Variants in ARHGEF40 observed in about 807,000 individuals in gnomAD.
ARHGEF40 encodes Rho guanine nucleotide exchange factor (GEF) 40.
In ARHGEF40, 98 loss-of-function variants were observed where a neutral mutation model predicts 165.9. The ratio of observed to expected loss-of-function variants is 0.59; its 90% CI spans 0.50 to 0.70. ARHGEF40 has a LOEUF of 0.70. ARHGEF40 is among the 30% of genes least tolerant of loss of function. ARHGEF40 has a pLI of 0.00. For synonymous variants in ARHGEF40, 792 were observed against 814.3 expected (o/e 0.97, Z 0.47); for missense variants, 1,815 against 1,968.0 (o/e 0.92, Z 1.47).
At chr14:21,067,236 G>A (rs932116373), upstream of ARHGEF40, among the ~76,000 whole-genome samples, 5 of 152,008 alleles carry the variant, frequency 3.3e-5, no homozygotes, top group South Asian at 2.1e-4. Flanking sequence ...AAATGTCTTC[G>A]GAATTATTTT....
In ARHGEF40 at chr14:21,087,463, G is replaced by A. The variant is rs1387785343; in HGVS notation, c.4387G>A (p.Ala1463Thr). The A allele has an allele frequency of 6.2e-7, 1 of 1,600,530 alleles. No individual in the cohort carries two copies. The highest frequency in any genetic ancestry group is 8.5e-7 in the Non-Finnish European group (1 of 1,179,874). The change falls in exon 21 of 24, where the codon GCC (alanine) becomes ACC (threonine). Residue 1463 changes from alanine to threonine, a missense_variant and splice_region_variant. Physicochemically the swap from Ala to Thr is moderately conservative, Grantham distance 58. Coordinates refer to ENST00000298694, the MANE Select transcript of ARHGEF40 (RefSeq NM_018071.5). ...TCTGGACGTCAAGCAAATTTCCCTGGGTGAGGCACCTCTCAAGGGGTGGCT... is the reference window on the plus strand; with the variant it reads ...TCTGGACGTCAAGCAAATTTCCCTGAGTGAGGCACCTCTCAAGGGGTGGCT... ...WDLDVKQISL[A>T]PETLDSSGDV...
the ARHGEF40 span, among the ~76,000 whole-genome samples, chr14:21,063,246 A>G: frequency 1.3e-5 from 2 of 152,146 alleles, no homozygotes; most frequent in African/African-American, 4.8e-5. Flanking sequence ...GTGTGTGTGT[A>G]TATAAACACA....
In ARHGEF40 at chr14:21,083,972, G is replaced by A. The variant is rs1035270890; in HGVS notation, c.3711G>A (p.Gly1237=). ...PELSSECRAL[G]AAVQLLREQE... is the part of the protein sequence containing the mutation. ...TCAGTTCTGAGTGCCGGGCCCTTGG[G>A]GCTGCTGTACAGCTGCTCCGGGAAC... Residue 1237 remains glycine, a synonymous_variant, in exon 17 of 24, where the codon GGG becomes GGA. Coordinates refer to ENST00000298694, the MANE Select transcript of ARHGEF40 (RefSeq NM_018071.5). 28 of 1,613,584 alleles carry A rather than the reference G, an allele frequency of 1.7e-5. No individual in the cohort carries two copies. Among genetic ancestry groups the A allele is most frequent in the Non-Finnish European group, 2.3e-5 (27 of 1,179,964 alleles).
intron 11 of ARHGEF40, among the ~76,000 whole-genome samples, chr14:21,080,191 T>A (rs908719633): frequency 2.2e-5 from 3 of 136,206 alleles, no homozygotes; most frequent in Non-Finnish European, 4.6e-5. Context: ...ATTAGGAAAT[T>A]AAAGCCGGAC....
chr14:21,084,115 G>A, intron 17 of ARHGEF40, 65 bp downstream of exon 17: 1 of 1,484,544 alleles, frequency 6.7e-7, no homozygotes, highest in South Asian at 1.3e-5. Context: ...AGCCGTGTAG[G>A]TTGGTGACAG....
intron 12 of ARHGEF40, 22 bp downstream of exon 12, chr14:21,080,804 G>T: frequency 6.2e-7 from 1 of 1,603,352 alleles, no homozygotes; most frequent in Non-Finnish European, 8.5e-7. Context: ...CTGGAGGGCA[G>T]GTGAGAGGAG....
chr14:21,087,152 G>A (rs1230111040), intron 20 of ARHGEF40, 47 bp downstream of exon 20: 3 of 1,600,510 alleles, frequency 1.9e-6, no homozygotes, highest in African/African-American at 2.7e-5. Flanking sequence ...TGAAGACCTT[G>A]ACAATGAGGA....
chr14:21,087,382 G>A lies in ARHGEF40; in HGVS notation c.4306G>A (p.Gly1436Ser), dbSNP rs780647585. 1.5e-5 allele frequency: 24 copies of A among 1,603,882 alleles called. No homozygotes were observed. Among genetic ancestry groups the A allele is most frequent in the Middle Eastern group, 1.6e-4 (1 of 6,062 alleles). ...TGAGCATGCCGGCCCCTCCCTTCCC[G>A]GCCTTTCGCCGGGAGCCTGCTCCCT... ...SFEHAGPSLP[G>S]LSPGACSLPA... The change falls in exon 21 of 24, where the codon GGC (glycine) becomes AGC (serine). Residue 1436 changes from glycine (G) to serine (S), a missense_variant. By Grantham distance (56) the Gly-to-Ser change is moderately conservative. Coordinates refer to ENST00000298694, the MANE Select transcript of ARHGEF40 (RefSeq NM_018071.5).
chr14:21,068,248 C>T (rs1340285247), upstream of ARHGEF40, among the ~76,000 whole-genome samples: 2 of 127,030 alleles, frequency 1.6e-5, 1 homozygote, highest in Non-Finnish European at 3.5e-5. Context: ...ATCCGCCCGC[C>T]TCGGCCTCCC....
rs1286664278 is a variant in ARHGEF40 at position 21,072,366 on chromosome 14, G to A, written c.4-679G>A. Among the ~76,000 whole-genome samples, 1 of 152,026 alleles carries A rather than the reference G, an allele frequency of 6.6e-6. No individual in the cohort carries two copies. Among genetic ancestry groups the A allele is most frequent in the Non-Finnish European group, 1.5e-5 (1 of 67,986 alleles). ...TTTTCTCTTTCAACTGCCCCCACCC[G>A]ATTCTTTGTAATCCAATCCCACATG... On this transcript the variant is annotated intron_variant, in intron 1 of 23. Transcript: ENST00000298694. The surrounding 1 kb of genome is among the most constrained non-coding windows in gnomAD (Gnocchi z 4.1).
chr14:21,080,968 T>C lies in ARHGEF40; in HGVS notation c.2592T>C (p.Val864=). ...LDIFEQRLEQ[V]ESGLHRALRL... ...TCTTTGAACAGCGGCTGGAGCAGGTTGAGAGTGGCCTCCATCGGGCCCTGC... is the reference window on the plus strand; with the variant it reads ...TCTTTGAACAGCGGCTGGAGCAGGTCGAGAGTGGCCTCCATCGGGCCCTGC... Residue 864 remains valine (V), a synonymous_variant, in exon 13 of 24, where the codon GTT becomes GTC. Transcript: ENST00000298694. The C allele has an allele frequency of 6.2e-7, 1 of 1,614,190 alleles. No homozygotes were observed.
intron 11 of ARHGEF40, among the ~76,000 whole-genome samples, chr14:21,079,986 G>A (rs1394430783): frequency 6.6e-6 from 1 of 152,082 alleles, no homozygotes; most frequent in African/African-American, 2.4e-5. Context: ...TCACAACGTG[G>A]TCAGAAAGAT....
chr14:21,067,624 G>A (rs894992840), upstream of ARHGEF40, among the ~76,000 whole-genome samples: 2 of 152,150 alleles, frequency 1.3e-5, no homozygotes, highest in Non-Finnish European at 2.9e-5. Context: ...GTGAAATATG[G>A]TAAGAACTGT....
intron 19 of ARHGEF40, 167 bp downstream of exon 19, chr14:21,086,033 C>G: frequency 1.2e-6 from 1 of 832,244 alleles, no homozygotes; most frequent in Admixed American, 3.1e-5. Context: ...AGAAATGAGC[C>G]TAAGATATAC....
rs1175834092 is a variant in ARHGEF40 at position 21,087,355 on chromosome 14, T to C, written c.4279T>C (p.Phe1427Leu). The C allele has an allele frequency of 2.5e-6, 4 of 1,606,294 alleles. No individual in the cohort carries two copies. The Admixed American group carries it at 6.7e-5, about 27-fold the overall frequency. Residue 1427 changes from phenylalanine to leucine, a missense_variant, in exon 21 of 24, where the codon TTT becomes CTT. Transcript: ENST00000298694. Reference sequence around the variant, plus strand: ...CCGGGCCTCCGTGGCCGTGTCATCCTTTGAGCATGCCGGCCCCTCCCTTCC... The same window carrying C: ...CCGGGCCTCCGTGGCCGTGTCATCCCTTGAGCATGCCGGCCCCTCCCTTCC... ...RTRASVAVSS[F>L]EHAGPSLPGL...
chr14:21,082,430 G>A lies in ARHGEF40; in HGVS notation c.3438G>A (p.Gln1146=). The change falls in exon 15 of 24, where the codon CAG becomes CAA. Residue 1146 remains glutamine, a synonymous_variant. Coordinates refer to ENST00000298694, the MANE Select transcript of ARHGEF40 (RefSeq NM_018071.5). ...GGACACACTTTCTGCGGGAGCTTCAGGGCTGCGCCACCCACCCCCTACGCA... is the reference window on the plus strand; with the variant it reads ...GGACACACTTTCTGCGGGAGCTTCAAGGCTGCGCCACCCACCCCCTACGCA... The part of the protein sequence containing the change: ...FHRTHFLREL[Q]GCATHPLRIG... The A allele has an allele frequency of 6.2e-7, 1 of 1,607,320 alleles. No homozygotes were observed. Among genetic ancestry groups the A allele is most frequent in the Non-Finnish European group, 8.5e-7 (1 of 1,176,022 alleles).
At position 21,083,757 on chromosome 14, in the gene ARHGEF40, C is replaced by T. The variant is rs1888118265; in HGVS notation, c.3574-78C>T. The stretch of plus-strand genomic sequence containing the variant: ...ATACCCAAAAGCCTAGGGTATCACC[C>T]ACCTACCCCCCAACCCCTGAGCTTG... On this transcript the variant is annotated intron_variant, in intron 16 of 23. Coordinates refer to ENST00000298694, the MANE Select transcript of ARHGEF40 (RefSeq NM_018071.5). The T allele has an allele frequency of 2.2e-6, 3 of 1,369,514 alleles. No individual in the cohort carries two copies. In the East Asian group the frequency reaches 7.3e-5, roughly 33 times the overall value. 84.8% of individuals were successfully genotyped at this position (1,369,514 alleles called of 1,614,324 possible).
rs1191774161 is a variant in ARHGEF40, at chr14:21,072,945, G to A, written c.4-100G>A. 20 of 1,207,210 alleles carry A rather than the reference G, an allele frequency of 1.7e-5. No individual in the cohort carries two copies. The highest frequency in any genetic ancestry group is 2.4e-5 in the East Asian group (1 of 42,476). 74.8% of individuals were successfully genotyped at this position (1,207,210 alleles called of 1,614,324 possible). On this transcript the variant is annotated intron_variant, in intron 1 of 23. Coordinates refer to ENST00000298694, the MANE Select transcript of ARHGEF40 (RefSeq NM_018071.5). This position sits in a 1 kb window ranked among gnomAD's most constrained non-coding sequence, Gnocchi z 4.1. ...CACTTTTTGCCCACATTGTACAATC[G>A]GGGCTTTGGAGAACACAGCCAACCC...
At chr14:21,070,256 A>G, upstream of ARHGEF40, 1 of 925,004 alleles carries the variant, frequency 1.1e-6, no homozygotes, top group Middle Eastern at 4.2e-4. This position sits in a 1 kb window ranked among gnomAD's most constrained non-coding sequence, Gnocchi z 4.7. Context: ...GCGGCCTGGA[A>G]GCCGGAGCGG....
Sources: allele counts gnomAD v4.1 joint callset (sites outside exome capture counted in the v4.1 genomes callset), GRCh38; gene constraint gnomAD v4.1.1; non-coding constraint Gnocchi (gnomAD v3.1); transcripts MANE v1.5; gene names NCBI Gene and HGNC (gene_info 2026-07-23, HGNC 2026-07-21).